AKAP6: variants seen among roughly 807,000 people sequenced by gnomAD.
The protein encoded by AKAP6 is A-kinase anchor protein 6.
AKAP6 carries 58 observed loss-of-function variants against 188.5 expected under a neutral mutation model. The observed-to-expected ratio is 0.31, with a 90% CI of 0.25 to 0.38. The LOEUF is 0.38. Among genes scored for constraint, AKAP6 ranks in the 10% least tolerant of loss-of-function variants. The probability of loss-of-function intolerance (pLI) is 1.00; values close to 1 mark genes in which losing one functional copy is unlikely to be tolerated. For missense variants in AKAP6, 2,710 were observed against 2,740.0 expected (o/e 0.99, Z 0.24); for synonymous variants, 989 against 998.6 (o/e 0.99, Z 0.18).
chr14:32,678,418 G>T lies in AKAP6; in HGVS notation c.2838G>T (p.Glu946Asp). 6.2e-7 allele frequency: 1 copy of T among 1,613,962 alleles called. No individual in the cohort carries two copies. The highest frequency in any genetic ancestry group is 8.5e-7 in the Non-Finnish European group (1 of 1,179,868). The change falls in exon 8 of 14, where the codon GAG becomes GAT. Residue 946 changes from glutamate to aspartate, a missense_variant. Transcript: ENST00000280979. ...CCAGCAGCAGCAAGCGAAAGGAAGA[G>T]TTTGCTGATATGTCAAAAGTTCATT... ...QYTSSSKRKE[E>D]FADMSKVHSV...
intron 11 of AKAP6, among the ~76,000 whole-genome samples, chr14:32,756,039 G>T (rs1018982611): frequency 6.6e-6 from 1 of 152,212 alleles, no homozygotes; most frequent in South Asian, 2.1e-4. Context: ...GTGACATCTG[G>T]TAGGGTCCAT....
At chr14:32,507,126 A>G (rs1221213453) in intron 2 of AKAP6, among the ~76,000 whole-genome samples, 1 of 152,164 alleles carries the variant, frequency 6.6e-6, no homozygotes, top group African/African-American at 2.4e-5. Flanking sequence ...AGTTATACAC[A>G]TATTGTCTGT....
intron 4 of AKAP6, among the ~76,000 whole-genome samples, chr14:32,573,960 C>T (rs76791353): frequency 0.012 from 1,895 of 152,162 alleles, 46 homozygotes; most frequent in African/African-American, 0.043. Context: ...CACAGAAACC[C>T]GGTGATAGTA....
At chr14:32,621,664 G>T (rs142696475) in intron 7 of AKAP6, among the ~76,000 whole-genome samples, 1 of 152,086 alleles carries the variant, frequency 6.6e-6, no homozygotes, top group African/African-American at 2.4e-5. Context: ...TAGGTAGAAT[G>T]TTCTGTAAAT....
chr14:32,398,402 T>C (rs2138605390), intron 1 of AKAP6, among the ~76,000 whole-genome samples: 1 of 152,344 alleles, frequency 6.6e-6, no homozygotes. Flanking sequence ...ACTCTTTGCA[T>C]TTCTTTTAAC....
rs1377708615 is a variant in AKAP6, at chr14:32,833,904, T to A, written c.*4099T>A. ...GTAGAACAAAGATACTTGGTACTCATCCCTCAGGTTCATTTATTGTTAATA... is the reference window on the plus strand; with the variant it reads ...GTAGAACAAAGATACTTGGTACTCAACCCTCAGGTTCATTTATTGTTAATA... On this transcript the variant is annotated 3_prime_UTR_variant, in exon 14 of 14. Coordinates refer to ENST00000280979, the MANE Select transcript of AKAP6 (RefSeq NM_004274.5). 1 of 152,208 alleles carries A rather than the reference T, an allele frequency of 6.6e-6. No individual in the cohort carries two copies. Among genetic ancestry groups the A allele is most frequent in the East Asian group, 1.9e-4 (1 of 5,198 alleles). The allele number at this position is 152,208 out of a possible 1,614,324, so 9.4% of individuals were successfully genotyped here. A position where few individuals can be genotyped will look rare whatever the true frequency, so the allele number is the denominator to read the frequency against.
At chr14:32,541,158 A>G (rs1044873491) in intron 3 of AKAP6, among the ~76,000 whole-genome samples, 5 of 152,120 alleles carry the variant, frequency 3.3e-5, no homozygotes, top group Non-Finnish European at 7.4e-5. Context: ...ACTAGTTGAG[A>G]TGGTTGGCCG....
At chr14:32,766,801 T>G (rs1410526890) in intron 11 of AKAP6, among the ~76,000 whole-genome samples, 2 of 152,182 alleles carry the variant, frequency 1.3e-5, no homozygotes, top group East Asian at 3.8e-4. Context: ...GCTTATACTT[T>G]TGTGTCATAA....
At chr14:32,604,551 A>G (rs940267204) in intron 7 of AKAP6, among the ~76,000 whole-genome samples, 1 of 152,202 alleles carries the variant, frequency 6.6e-6, no homozygotes, top group African/African-American at 2.4e-5. Context: ...TCCCTTGGGC[A>G]AACACATATA....
intron 9 of AKAP6, among the ~76,000 whole-genome samples, chr14:32,703,628 T>C (rs569975606): frequency 8.5e-5 from 13 of 152,300 alleles, no homozygotes; most frequent in African/African-American, 3.1e-4. Flanking sequence ...GCAGCACAAA[T>C]GTGAAAAATA....
At chr14:32,431,320 T>C (rs1890216926) in intron 1 of AKAP6, among the ~76,000 whole-genome samples, 1 of 152,156 alleles carries the variant, frequency 6.6e-6, no homozygotes. Flanking sequence ...ATCTGCCTTA[T>C]ATTCATGGGA....
At chr14:32,646,181 A>G (rs566384490) in intron 7 of AKAP6, among the ~76,000 whole-genome samples, 21 of 152,224 alleles carry the variant, frequency 1.4e-4, no homozygotes, top group South Asian at 6.2e-4. Flanking sequence ...CATTGGAGCT[A>G]TAAGACATTA....
chr14:32,416,665 C>T (rs2138665136), intron 1 of AKAP6, among the ~76,000 whole-genome samples: 1 of 152,038 alleles, frequency 6.6e-6, no homozygotes, highest in East Asian at 1.9e-4. Context: ...AGTGATTCTC[C>T]TGCCTCAGCC....
At chr14:32,437,729 T>C (rs1890433242) in intron 2 of AKAP6, among the ~76,000 whole-genome samples, 1 of 152,074 alleles carries the variant, frequency 6.6e-6, no homozygotes, top group Non-Finnish European at 1.5e-5. Flanking sequence ...CCCAAGTAGC[T>C]GAGACTACAA....
chr14:32,421,832 G>A (rs1008215483), intron 1 of AKAP6, among the ~76,000 whole-genome samples: 1 of 152,138 alleles, frequency 6.6e-6, no homozygotes, highest in African/African-American at 2.4e-5. Flanking sequence ...CCTAGAGAGG[G>A]AACCTCTAGT....
intron 1 of AKAP6, among the ~76,000 whole-genome samples, chr14:32,404,254 T>C (rs569960281): frequency 6.6e-6 from 1 of 152,268 alleles, no homozygotes; most frequent in Admixed American, 6.5e-5. Flanking sequence ...TGGAATTAAT[T>C]CTTTCCATTA....
At chr14:32,414,906 A>G (rs1311562059) in intron 1 of AKAP6, among the ~76,000 whole-genome samples, 1 of 152,190 alleles carries the variant, frequency 6.6e-6, no homozygotes, top group East Asian at 1.9e-4. Flanking sequence ...CTTTGTTCCA[A>G]TAACTAAATT....
intron 2 of AKAP6, among the ~76,000 whole-genome samples, chr14:32,508,694 A>C (rs1237512858): frequency 1.3e-5 from 2 of 152,250 alleles, no homozygotes; most frequent in African/African-American, 4.8e-5. Flanking sequence ...ATGGGAGACT[A>C]TTCATATGTT....
At chr14:32,573,634 A>C (rs768796003) in intron 4 of AKAP6, among the ~76,000 whole-genome samples, 3 of 152,220 alleles carry the variant, frequency 2.0e-5, no homozygotes, top group Admixed American at 6.5e-5. Context: ...GCTTTTTCAC[A>C]CATAGAAGGC....
Sources: allele counts gnomAD v4.1 joint callset (sites outside exome capture counted in the v4.1 genomes callset), GRCh38; gene constraint gnomAD v4.1.1; transcripts MANE v1.5; gene names NCBI Gene and HGNC (gene_info 2026-07-23, HGNC 2026-07-21).